The following SENP5 variants were observed in gnomAD, a reference collection of about 807,000 sequenced individuals.
SENP5 encodes the protein sentrin-specific protease 5.
In SENP5, 21 loss-of-function variants were observed where a neutral mutation model predicts 74.2. The ratio of observed to expected loss-of-function variants is 0.28; its 90% CI spans 0.20 to 0.41. SENP5 has a LOEUF of 0.41. Among genes scored for constraint, SENP5 ranks in the 10% least tolerant of loss-of-function variants. SENP5 has a pLI of 1.00. For missense variants in SENP5, 717 were observed against 889.1 expected (o/e 0.81, Z 2.46); for synonymous variants, 311 against 312.7 (o/e 0.99, Z 0.06).
chr3:196,883,436 G>A (rs1160855054), intron 1 of SENP5, among the ~76,000 whole-genome samples: 1 of 152,140 alleles, frequency 6.6e-6, no homozygotes, highest in Non-Finnish European at 1.5e-5. Flanking sequence ...AATTCACGGT[G>A]TAAACTCATT....
intron 6 of SENP5, among the ~76,000 whole-genome samples, 161 bp downstream of exon 6, chr3:196,903,771 A>G (rs758348832): frequency 2.0e-5 from 3 of 152,252 alleles, no homozygotes; most frequent in Non-Finnish European, 2.9e-5. Flanking sequence ...TATTGTTTGA[A>G]AGACCTTAAT....
intron 6 of SENP5, among the ~76,000 whole-genome samples, chr3:196,918,977 GTATCTATC>G (rs10576145): frequency 8.6e-5 from 13 of 151,622 alleles, no homozygotes; most frequent in Non-Finnish European, 1.5e-4. Context: ...ATGTATGTGT[GTATCTATC>G]TATCTATCTA....
intron 6 of SENP5, among the ~76,000 whole-genome samples, chr3:196,915,546 C>T (rs966802511): frequency 3.9e-5 from 6 of 152,162 alleles, no homozygotes; most frequent in African/African-American, 1.4e-4. Context: ...AGCCCTTGGA[C>T]CTTGAATAAA....
chr3:196,900,436 C>T (rs1360408102), intron 5 of SENP5, 24 bp downstream of exon 5: 1 of 1,586,548 alleles, frequency 6.3e-7, no homozygotes, highest in Non-Finnish European at 8.6e-7. Context: ...TCCTCTTCTG[C>T]AGGAGAGAGT....
In SENP5 at chr3:196,925,408, T is replaced by C. The variant is rs541743571; in HGVS notation, c.2022+1857T>C. Among the ~76,000 whole-genome samples the C allele has an allele frequency of 7.9e-5, 12 of 152,302 alleles. 1 individual carries two copies. The South Asian group carries it at 2.5e-3, about 32-fold the overall frequency. ...CTTCCCCTAATTCCTTGCCTTTCTC[T>C]CAACCAACATATTCCCATACCTGCC... On this transcript the variant is annotated intron_variant, in intron 7 of 9. Coordinates refer to ENST00000323460, the MANE Select transcript of SENP5 (RefSeq NM_152699.5).
chr3:196,884,919 TCAGAGGCAG>T (rs1713887607), intron 1 of SENP5, among the ~76,000 whole-genome samples: 3 of 152,202 alleles, frequency 2.0e-5, no homozygotes, highest in African/African-American at 7.2e-5. Flanking sequence ...TTTATTTTTC[TCAGAGGCAG>T]GTGTACAGCA....
chr3:196,898,182 A>AAAAAAC (rs1267677377), intron 2 of SENP5, among the ~76,000 whole-genome samples: 1 of 151,236 alleles, frequency 6.6e-6, no homozygotes, highest in Non-Finnish European at 1.5e-5. Flanking sequence ...TTGTCTTAAA[A>AAAAAAC]AAAAAGAAAA....
chr3:196,926,436 C>G (rs900440014), intron 7 of SENP5, among the ~76,000 whole-genome samples: 1 of 148,822 alleles, frequency 6.7e-6, no homozygotes, highest in African/African-American at 2.5e-5. Flanking sequence ...GAGCCGAGAT[C>G]GCACCACTAC....
In SENP5 at chr3:196,886,447, G is replaced by A; in HGVS notation, c.1266G>A (p.Val422=). Residue 422 remains valine (V), a synonymous_variant, in exon 2 of 10, where the codon GTG becomes GTA. Transcript: ENST00000323460. The part of the protein sequence containing the change: ...KLSVSGADTS[V]SSVDGPVSQK... ...CAGTGTCTGGAGCAGATACATCTGT[G>A]AGTAGCGTAGATGGGCCTGTGTCCC... 6.2e-7 allele frequency: 1 copy of A among 1,610,232 alleles called. No homozygotes were observed. Among genetic ancestry groups the A allele is most frequent in the Non-Finnish European group, 8.5e-7 (1 of 1,177,754 alleles).
At chr3:196,873,809 G>T (rs539671970) in intron 1 of SENP5, among the ~76,000 whole-genome samples, 1 of 152,212 alleles carries the variant, frequency 6.6e-6, no homozygotes, top group South Asian at 2.1e-4. Context: ...CTGCACTATA[G>T]CCTGGGTGAC....
intron 2 of SENP5, among the ~76,000 whole-genome samples, chr3:196,899,061 A>AG (rs1491581529): frequency 6.8e-6 from 1 of 146,482 alleles, no homozygotes; most frequent in Non-Finnish European, 1.5e-5. Context: ...CCTGGGCAAC[A>AG]GAGCGAGACG....
At chr3:196,899,839 AT>A in intron 3 of SENP5, 68 bp downstream of exon 3, 1 of 1,569,850 alleles carries the variant, frequency 6.4e-7, no homozygotes, top group Non-Finnish European at 8.7e-7. Context: ...TTTTCTCTTG[AT>A]TTACAGAAGA....
intron 6 of SENP5, among the ~76,000 whole-genome samples, chr3:196,923,118 A>T (rs192011930): frequency 1.6e-3 from 246 of 152,348 alleles, no homozygotes; most frequent in African/African-American, 5.7e-3. Context: ...TTAAATATGT[A>T]TATGAGAAAA....
intron 6 of SENP5, among the ~76,000 whole-genome samples, chr3:196,920,309 AT>A (rs1403986276): frequency 6.6e-6 from 1 of 152,216 alleles, no homozygotes; most frequent in African/African-American, 2.4e-5. Context: ...ATGTTTCTGA[AT>A]TGGCTATGAA....
chr3:196,929,217 G>A (rs147637470), intron 8 of SENP5: 6 of 174,272 alleles, frequency 3.4e-5, no homozygotes, highest in Middle Eastern at 4.9e-3. Flanking sequence ...AATAGGACAG[G>A]GTCGTGTGAT....
At chr3:196,887,913 A>G (rs751809510) in intron 2 of SENP5, among the ~76,000 whole-genome samples, 2 of 152,046 alleles carry the variant, frequency 1.3e-5, no homozygotes, top group Non-Finnish European at 2.9e-5. Context: ...GACTACAGGC[A>G]CACGCTACCA....
At chr3:196,893,085 C>A (rs563631849) in intron 2 of SENP5, among the ~76,000 whole-genome samples, 10 of 152,246 alleles carry the variant, frequency 6.6e-5, no homozygotes, top group Middle Eastern at 3.4e-3. Flanking sequence ...TATGGTAGTT[C>A]TATTTTTAAT....
intron 1 of SENP5, among the ~76,000 whole-genome samples, chr3:196,884,707 T>C (rs1490385460): frequency 6.6e-6 from 1 of 150,892 alleles, no homozygotes; most frequent in East Asian, 1.9e-4. Context: ...GTTTCGCTCT[T>C]GTCACCCAGG....
intron 6 of SENP5, among the ~76,000 whole-genome samples, chr3:196,918,577 A>G (rs983543237): frequency 1.3e-5 from 2 of 152,134 alleles, no homozygotes; most frequent in African/African-American, 4.8e-5. Context: ...AAATCATTTC[A>G]ACGCAAAGAA....
Sources: gnomAD v4.1 joint callset for allele counts (sites outside exome capture counted in the v4.1 genomes callset) on GRCh38, gnomAD v4.1.1 for gene constraint, MANE v1.5 for transcripts, NCBI Gene and HGNC (gene_info 2026-07-23, HGNC 2026-07-21) for gene names.